Variants in SDR42E1 observed in about 807,000 individuals in gnomAD.
SDR42E1 encodes the protein short chain dehydrogenase/reductase family 42E, member 1.
SDR42E1 carries 5 observed loss-of-function variants against 2.6 expected under a neutral mutation model. The ratio of observed to expected loss-of-function variants is 1.94; its 90% CI spans 1.01 to 4.08. The LOEUF is 4.08. Among genes scored for constraint, SDR42E1 ranks in the 30% most tolerant of loss-of-function variants. SDR42E1 has a pLI of 0.00. For synonymous variants in SDR42E1, 231 were observed against 188.3 expected (o/e 1.23, Z -1.86); for missense variants, 596 against 478.6 (o/e 1.25, Z -2.29).
rs1912528232 is a variant in SDR42E1, at chr16:81,995,774, T to C, written c.*3337A>G. 6.6e-6 allele frequency: 1 copy of C among 152,234 alleles called. No individual in the cohort carries two copies. The highest frequency in any genetic ancestry group is 1.9e-4 in the East Asian group (1 of 5,194). 9.4% of individuals were successfully genotyped at this position (152,234 alleles called of 1,614,324 possible). On this transcript the variant is annotated 3_prime_UTR_variant, in exon 3 of 3. Coordinates refer to ENST00000328945, the MANE Select transcript of SDR42E1 (RefSeq NM_145168.3). ...CTGTGCCGGGCATTAGGAGTACAGC[T>C]GTAAGCAAGACAAAGTTCCCACCCT...
intron 1 of SDR42E1, among the ~76,000 whole-genome samples, chr16:82,003,242 A>G (rs1912825921): frequency 6.6e-6 from 1 of 152,202 alleles, no homozygotes; most frequent in South Asian, 2.1e-4. Context: ...AAAATTCATG[A>G]AGAATGAATG....
In SDR42E1 at chr16:81,997,354, G is replaced by C. The variant is rs1371642760; in HGVS notation, c.*1757C>G. ...CGCCTTTGACCATCTCCCTCTTCTGGTATAATACGGAAATACCTTTGTGTA... is the reference window on the plus strand; with the variant it reads ...CGCCTTTGACCATCTCCCTCTTCTGCTATAATACGGAAATACCTTTGTGTA... On this transcript the variant is annotated 3_prime_UTR_variant, in exon 3 of 3. Coordinates refer to ENST00000328945, the MANE Select transcript of SDR42E1 (RefSeq NM_145168.3). The C allele has an allele frequency of 1.3e-5, 2 of 152,128 alleles. No homozygotes were observed. The highest frequency in any genetic ancestry group is 4.8e-5 in the African/African-American group (2 of 41,408). 9.4% of individuals were successfully genotyped at this position (152,128 alleles called of 1,614,324 possible).
intron 1 of SDR42E1, among the ~76,000 whole-genome samples, chr16:82,004,415 G>T (rs1431045761): frequency 2.6e-5 from 4 of 152,250 alleles, no homozygotes; most frequent in Admixed American, 2.0e-4. Context: ...GCAAACTGAA[G>T]CATGGAGCTG....
intron 1 of SDR42E1, among the ~76,000 whole-genome samples, chr16:82,003,665 C>T (rs866443868): frequency 2.6e-5 from 4 of 152,222 alleles, no homozygotes; most frequent in South Asian, 2.1e-4. Flanking sequence ...AGAGAGACTT[C>T]TCTGATCACC....
rs1912636678 is a variant in SDR42E1 at position 81,999,165 on chromosome 16, G to C, written c.1128C>G (p.Leu376=). The change falls in exon 3 of 3, where the codon CTC becomes CTG. Residue 376 remains leucine (L), a synonymous_variant. Transcript: ENST00000328945. The part of the protein sequence containing the change: ...CFVWDGLLVF[L]LIIAVLMWLP... The stretch of plus-strand genomic sequence containing the variant: ...GCCACATGAGAACTGCTATAATCAG[G>C]AGGAAGACCAATAGCCCATCCCAAA... 1 of 1,614,066 alleles carries C rather than the reference G, an allele frequency of 6.2e-7. No homozygotes were observed. The highest frequency in any genetic ancestry group is 1.7e-5 in the Admixed American group (1 of 60,006).
intron 2 of SDR42E1, chr16:82,000,515 A>C (rs1376803812): frequency 3.4e-6 from 2 of 590,244 alleles, no homozygotes; most frequent in African/African-American, 3.7e-5. Context: ...ATATTTGTGA[A>C]TAATAAGATA....
chr16:82,000,069 C>T lies in SDR42E1; in HGVS notation c.224G>A (p.Cys75Tyr), dbSNP rs1235297116. ...EKAFQDADVT[C>Y]VFHIASYGMS... ...ACCATAAGAGGCAATATGGAACACA[C>T]AAGTGACGTCTGCATCCTGGAAGGC... is the stretch of plus-strand genomic sequence containing the variant. The change falls in exon 3 of 3, where the codon TGT becomes TAT. Residue 75 changes from cysteine to tyrosine, a missense_variant. Transcript: ENST00000328945. 1 of 1,614,102 alleles carries T rather than the reference C, an allele frequency of 6.2e-7. No homozygotes were observed. Among genetic ancestry groups the T allele is most frequent in the Non-Finnish European group, 8.5e-7 (1 of 1,180,052 alleles).
Position 82,005,527 on chromosome 16 carries a change from C to G in SDR42E1, c.-26-4643G>C, listed in dbSNP as rs146400751. On this transcript the variant is annotated intron_variant, in intron 1 of 2. Transcript: ENST00000328945. ...ATCTCAGCAAACGCATTTTGCAGAC[C>G]TGCCCCCACCCAAAATTCACATGAA... Among the ~76,000 whole-genome samples the G allele has an allele frequency of 4.8e-3, 737 of 152,294 alleles. 4 individuals carry two copies. Among genetic ancestry groups the G allele is most frequent in the African/African-American group, 0.017 (706 of 41,572 alleles).
In SDR42E1 at chr16:81,999,537, G is replaced by T; in HGVS notation, c.756C>A (p.Tyr252Ter). The T allele has an allele frequency of 6.2e-7, 1 of 1,614,220 alleles. No homozygotes were observed. Among genetic ancestry groups the T allele is most frequent in the Non-Finnish European group, 8.5e-7 (1 of 1,180,030 alleles). The change falls in exon 3 of 3, where the codon TAC becomes TAA. Residue 252 changes from tyrosine to a stop codon, truncating the protein, a stop_gained. Coordinates refer to ENST00000328945, the MANE Select transcript of SDR42E1 (RefSeq NM_145168.3). LOFTEE classifies it low-confidence loss of function (END_TRUNC). ...DKGHIASGQPYFISDGRPVNN... is the reference protein window; with the variant it reads ...DKGHIASGQP ...TCACGGGTCTGCCATCTGAGATGAA[G>T]TAGGGCTGCCCAGAGGCAATATGGC...
rs778544394 is a variant in SDR42E1 at position 81,990,465 on chromosome 16, C to G, written c.*8646G>C. The stretch of plus-strand genomic sequence containing the variant: ...TACTGAACATTCCATTTGAACGTCT[C>G]AAACTCCACTAGCATGTCTTGCATC... On this transcript the variant is annotated 3_prime_UTR_variant, in exon 3 of 3. Transcript: ENST00000328945. The G allele has an allele frequency of 6.6e-6, 1 of 152,148 alleles. No individual in the cohort carries two copies. The highest frequency in any genetic ancestry group is 1.5e-5 in the Non-Finnish European group (1 of 68,024). 9.4% of individuals were successfully genotyped at this position (152,148 alleles called of 1,614,324 possible).
In SDR42E1 at chr16:81,993,527, CATG is replaced by C. The variant is rs965203147; in HGVS notation, c.*5581_*5583del. On this transcript the variant is annotated 3_prime_UTR_variant, in exon 3 of 3. Coordinates refer to ENST00000328945, the MANE Select transcript of SDR42E1 (RefSeq NM_145168.3). ...CAGAGCTTCCTACTCTGCCGTTTTA[CATG>C]ATGTCACCCTTCTGGAGTCTGCATT... 2 of 152,196 alleles carry C rather than the reference CATG, an allele frequency of 1.3e-5. No homozygotes were observed. The highest frequency in any genetic ancestry group is 4.8e-5 in the African/African-American group (2 of 41,434). 9.4% of individuals were successfully genotyped at this position (152,196 alleles called of 1,614,324 possible). A position where few individuals can be genotyped will look rare whatever the true frequency, so the allele number is the denominator to read the frequency against.
In SDR42E1 at chr16:82,000,227, G is replaced by T. The variant is rs1471119321; in HGVS notation, c.69-3C>A. ...TTTGGTTCAGGGCACAGCCCAGGCT[G>T]AAATAAGAAACAGTAAACGTTGAAT... On this transcript the variant is annotated splice_polypyrimidine_tract_variant and splice_region_variant and intron_variant, in intron 2 of 2. Coordinates refer to ENST00000328945, the MANE Select transcript of SDR42E1 (RefSeq NM_145168.3). 6.2e-7 allele frequency: 1 copy of T among 1,603,488 alleles called. No individual in the cohort carries two copies.
At chr16:82,010,973 T>C (rs751973498) in intron 1 of SDR42E1, among the ~76,000 whole-genome samples, 21 of 152,176 alleles carry the variant, frequency 1.4e-4, no homozygotes, top group Non-Finnish European at 2.4e-4. Context: ...TCCCAACAAA[T>C]ACATGCAGTT....
intron 1 of SDR42E1, among the ~76,000 whole-genome samples, chr16:82,008,957 C>T (rs554463223): frequency 5.7e-4 from 87 of 152,302 alleles, no homozygotes; most frequent in African/African-American, 1.9e-3. Flanking sequence ...TGGTGCTCTG[C>T]GTCCCAGCTG....
At chr16:82,000,431 G>A (rs964835891) in intron 2 of SDR42E1, 16 of 713,816 alleles carry the variant, frequency 2.2e-5, no homozygotes, top group South Asian at 1.2e-4. Flanking sequence ...AAATTACAAA[G>A]AGAGAGGCCT....
In SDR42E1 at chr16:81,990,921, T is replaced by A. The variant is rs1225851924; in HGVS notation, c.*8190A>T. The A allele has an allele frequency of 6.6e-6, 1 of 152,240 alleles. No homozygotes were observed. Among genetic ancestry groups the A allele is most frequent in the African/African-American group, 2.4e-5 (1 of 41,472 alleles). The allele number at this position is 152,240 out of a possible 1,614,324, so 9.4% of individuals were successfully genotyped here. On this transcript the variant is annotated 3_prime_UTR_variant, in exon 3 of 3. Transcript: ENST00000328945. ...AACATCTAAGGGCACCTCTACAGGC[T>A]GGACTTTGCATTTTCATTACTTCGA... is the stretch of plus-strand genomic sequence containing the variant.
chr16:82,006,731 T>G (rs1288944954), intron 1 of SDR42E1, among the ~76,000 whole-genome samples: 4 of 152,102 alleles, frequency 2.6e-5, no homozygotes, highest in African/African-American at 7.2e-5. Flanking sequence ...GAGATGGAGG[T>G]TGCAGTGAGT....
At chr16:82,010,115 C>G (rs1430475318) in intron 1 of SDR42E1, among the ~76,000 whole-genome samples, 2 of 152,210 alleles carry the variant, frequency 1.3e-5, no homozygotes, top group Non-Finnish European at 2.9e-5. Context: ...GTGAGTCCAT[C>G]AAACCTCTTA....
chr16:82,010,005 A>C (rs1913074000), intron 1 of SDR42E1, among the ~76,000 whole-genome samples: 1 of 152,242 alleles, frequency 6.6e-6, no homozygotes. Flanking sequence ...GTTCCCCTAC[A>C]CAAGCTCTCT....
Sources: gnomAD v4.1 joint callset for allele counts (sites outside exome capture counted in the v4.1 genomes callset) on GRCh38, gnomAD v4.1.1 for gene constraint, MANE v1.5 for transcripts, NCBI Gene and HGNC (gene_info 2026-07-23, HGNC 2026-07-21) for gene names.